Variants in NBEA observed in about 807,000 individuals in gnomAD.
NBEA encodes neurobeachin.
A neutral mutation model predicts 343.4 loss-of-function variants in NBEA; 44 were observed. That is an observed-to-expected ratio of 0.13 (90% CI 0.10 to 0.16). The LOEUF is 0.16. Ranked by LOEUF, NBEA falls within the 10% of genes least tolerant of loss-of-function variation. The pLI is 1.00. For missense variants in NBEA, 2,555 were observed against 3,631.3 expected (o/e 0.70, Z 7.62); for synonymous variants, 1,175 against 1,238.7 (o/e 0.95, Z 1.08).
intron 33 of NBEA, among the ~76,000 whole-genome samples, chr13:35,221,797 C>G (rs1331424593): frequency 1.3e-5 from 2 of 151,980 alleles, no homozygotes; most frequent in Admixed American, 6.6e-5. Context: ...AAGGGTTTTT[C>G]TAAGCTTTTT....
intron 33 of NBEA, among the ~76,000 whole-genome samples, chr13:35,228,831 G>T (rs2074813400): frequency 6.6e-6 from 1 of 152,036 alleles, no homozygotes; most frequent in Non-Finnish European, 1.5e-5. Context: ...AGAATGAGTG[G>T]CTTGAAATTG....
intron 1 of NBEA, among the ~76,000 whole-genome samples, chr13:34,970,632 T>C (rs549661295): frequency 5.3e-5 from 8 of 152,342 alleles, no homozygotes; most frequent in African/African-American, 1.9e-4. Flanking sequence ...ATTTATTGAA[T>C]AGGGAATCCT....
At chr13:35,627,230 A>G (rs12876534) in intron 48 of NBEA, among the ~76,000 whole-genome samples, 46,421 of 151,946 alleles carry the variant, frequency 0.31, 7,464 homozygotes, top group African/African-American at 0.37. Flanking sequence ...TGAAATTTAC[A>G]AAGCTAGATG....
At chr13:35,578,693 G>T (rs574948193) in intron 45 of NBEA, among the ~76,000 whole-genome samples, 2 of 152,244 alleles carry the variant, frequency 1.3e-5, no homozygotes, top group South Asian at 4.1e-4. Context: ...CAAATATATA[G>T]TATCATCAGC....
chr13:35,575,629 C>T (rs1003695561), intron 45 of NBEA, among the ~76,000 whole-genome samples: 1 of 152,052 alleles, frequency 6.6e-6, no homozygotes, highest in African/African-American at 2.4e-5. Flanking sequence ...ATACTTTACC[C>T]CTAAATATTT....
chr13:35,353,811 A>G (rs897289109), intron 38 of NBEA, among the ~76,000 whole-genome samples: 6 of 152,202 alleles, frequency 3.9e-5, no homozygotes, highest in African/African-American at 1.4e-4. Context: ...GCTTGTACAA[A>G]TAGAGGCAGA....
In NBEA at chr13:35,667,510, C is replaced by T; in HGVS notation, c.8601C>T (p.Phe2867=). 3.1e-6 allele frequency: 5 copies of T among 1,613,942 alleles called. No homozygotes were observed. The highest frequency in any genetic ancestry group is 4.2e-6 in the Non-Finnish European group (5 of 1,179,872). The stretch of plus-strand genomic sequence containing the variant: ...TCATATACTATGAACGAGGGCGATT[C>T]AGTAATTTCAGCATTAATGGGAAAC... The part of the protein sequence containing the change: ...HCIIYYERGR[F]SNFSINGKLL... The change falls in exon 57 of 59, where the codon TTC becomes TTT. Residue 2867 remains phenylalanine, a synonymous_variant. Transcript: ENST00000379939.
intron 1 of NBEA, among the ~76,000 whole-genome samples, chr13:35,038,910 T>C (rs1170063772): frequency 6.6e-6 from 1 of 152,116 alleles, no homozygotes; most frequent in Non-Finnish European, 1.5e-5. Flanking sequence ...TCCACTGTGT[T>C]TGGGCCTAGT....
intron 34 of NBEA, among the ~76,000 whole-genome samples, chr13:35,270,990 G>A (rs185928873): frequency 6.6e-6 from 1 of 152,366 alleles, no homozygotes; most frequent in Non-Finnish European, 1.5e-5. Flanking sequence ...ACCGAAGAGA[G>A]CAGTGGTTCC....
intron 34 of NBEA, among the ~76,000 whole-genome samples, chr13:35,268,891 C>CT (rs2033906467): frequency 6.6e-6 from 1 of 152,072 alleles, no homozygotes; most frequent in Admixed American, 6.6e-5. Context: ...AAATGATAGA[C>CT]TGCCAACCTG....
At chr13:35,203,074 A>T (rs1216229472) in intron 31 of NBEA, among the ~76,000 whole-genome samples, 1 of 152,108 alleles carries the variant, frequency 6.6e-6, no homozygotes, top group Non-Finnish European at 1.5e-5. Context: ...GCCATTCTCC[A>T]CAGTAACCAT....
chr13:35,609,490 A>G lies in NBEA; in HGVS notation c.7449+2912A>G, dbSNP rs541390286. 9.8e-5 allele frequency among the ~76,000 whole-genome samples: 15 copies of G among 152,320 alleles called. No individual in the cohort carries two copies. The South Asian group carries it at 2.5e-3, about 25-fold the overall frequency. On this transcript the variant is annotated intron_variant, in intron 48 of 58. Transcript: ENST00000379939. ...ACGTATGTTTTTTAAAAATTGGGGAAGTGGGCTCTCATGTAAATGATCTAA... is the reference window on the plus strand; with the variant it reads ...ACGTATGTTTTTTAAAAATTGGGGAGGTGGGCTCTCATGTAAATGATCTAA...
At chr13:35,660,697 A>G (rs926053299) in intron 55 of NBEA, among the ~76,000 whole-genome samples, 36 of 152,310 alleles carry the variant, frequency 2.4e-4, no homozygotes, top group African/African-American at 7.7e-4. Context: ...TAAAAAGACT[A>G]TCCTGGTGCC....
chr13:35,648,063 A>G (rs528478947), intron 51 of NBEA, among the ~76,000 whole-genome samples: 1 of 150,066 alleles, frequency 6.7e-6, no homozygotes, highest in Non-Finnish European at 1.5e-5. Flanking sequence ...TTTTTTGTAG[A>G]GATTGGGTTT....
intron 33 of NBEA, among the ~76,000 whole-genome samples, chr13:35,215,977 T>C (rs1236702241): frequency 6.6e-6 from 1 of 151,550 alleles, no homozygotes; most frequent in African/African-American, 2.4e-5. Context: ...ATAAATTCTT[T>C]GTAATTTTAA....
chr13:35,496,576 G>A (rs2076685293), intron 41 of NBEA, among the ~76,000 whole-genome samples: 1 of 147,782 alleles, frequency 6.8e-6, no homozygotes, highest in Non-Finnish European at 1.5e-5. Flanking sequence ...TGAGGCTGCA[G>A]TGAGCGATAT....
chr13:35,270,062 G>A (rs2034006199), intron 34 of NBEA, among the ~76,000 whole-genome samples: 1 of 151,988 alleles, frequency 6.6e-6, no homozygotes, highest in Non-Finnish European at 1.5e-5. Context: ...TTTTTGACTT[G>A]ACCTGATGTT....
chr13:35,000,069 G>A (rs1323697984), intron 1 of NBEA, among the ~76,000 whole-genome samples: 2 of 152,088 alleles, frequency 1.3e-5, no homozygotes, highest in African/African-American at 4.8e-5. Context: ...AGGGTCAGGG[G>A]AAGATAATTT....
intron 21 of NBEA, among the ~76,000 whole-genome samples, chr13:35,158,412 T>C (rs1208414772): frequency 6.6e-6 from 1 of 151,828 alleles, no homozygotes; most frequent in Non-Finnish European, 1.5e-5. Context: ...AATTTGAAAA[T>C]AGCAAAGAAA....
Sources: gnomAD v4.1 joint callset for allele counts (sites outside exome capture counted in the v4.1 genomes callset) on GRCh38, gnomAD v4.1.1 for gene constraint, MANE v1.5 for transcripts, NCBI Gene and HGNC (gene_info 2026-07-23, HGNC 2026-07-21) for gene names.